Variants in HDAC4 observed in about 807,000 individuals in gnomAD.
HDAC4 encodes the protein histone deacetylase 4, also known as histone deacetylase A.
Under a neutral mutation model 135.1 loss-of-function variants are expected in HDAC4, and 16 were observed. That is an observed-to-expected ratio of 0.12 (90% CI 0.08 to 0.18). The LOEUF (loss-of-function observed/expected upper bound fraction) is 0.18. Among genes scored for constraint, HDAC4 ranks in the 10% least tolerant of loss-of-function variants. The probability of loss-of-function intolerance (pLI) is 1.00; values close to 1 mark genes in which losing one functional copy is unlikely to be tolerated. For synonymous variants in HDAC4, 685 were observed against 653.4 expected (o/e 1.05, Z -0.74); for missense variants, 1,143 against 1,511.8 (o/e 0.76, Z 4.05).
At chr2:239,105,850 T>C (rs1263882597) in intron 15 of HDAC4, among the ~76,000 whole-genome samples, 1 of 152,086 alleles carries the variant, frequency 6.6e-6, no homozygotes, top group Non-Finnish European at 1.5e-5. Context: ...CAGTGACCCC[T>C]GGCAGGCTGG....
At chr2:239,385,904 GC>G (rs1415569801) in intron 1 of HDAC4, among the ~76,000 whole-genome samples, 1 of 152,184 alleles carries the variant, frequency 6.6e-6, no homozygotes, top group Non-Finnish European at 1.5e-5. Context: ...TGCTCTGGGA[GC>G]CCCAAACAAG....
At chr2:239,380,474 C>A (rs1369829588) in intron 1 of HDAC4, among the ~76,000 whole-genome samples, 1 of 152,076 alleles carries the variant, frequency 6.6e-6, no homozygotes, top group Non-Finnish European at 1.5e-5. Context: ...AGTTAGCAAA[C>A]ATTTGAGTTC....
At chr2:239,179,078 G>A (rs867369566) in intron 4 of HDAC4, among the ~76,000 whole-genome samples, 4 of 150,650 alleles carry the variant, frequency 2.7e-5, no homozygotes, top group East Asian at 1.9e-4. Context: ...GGCAGCCACC[G>A]GACGCCCGAG....
chr2:239,100,117 A>C (rs2037480150), intron 16 of HDAC4, among the ~76,000 whole-genome samples: 1 of 152,150 alleles, frequency 6.6e-6, no homozygotes, highest in African/African-American at 2.4e-5. Context: ...GTTTCTCCCT[A>C]AGAGGGTCTT....
intron 2 of HDAC4, among the ~76,000 whole-genome samples, chr2:239,287,761 A>C (rs1026502710): frequency 6.6e-6 from 1 of 152,186 alleles, no homozygotes; most frequent in Non-Finnish European, 1.5e-5. Context: ...CAAGAAGAAG[A>C]CTAAGTCATG....
At chr2:239,298,455 G>C (rs1422322514) in intron 2 of HDAC4, 1 of 1,139,482 alleles carries the variant, frequency 8.8e-7, no homozygotes. Flanking sequence ...ATACTCTAGG[G>C]TCCCAGCAAC....
chr2:239,156,701 C>A lies in HDAC4; in HGVS notation c.684G>T (p.Pro228=). 2 of 1,614,118 alleles carry A rather than the reference C, an allele frequency of 1.2e-6. No homozygotes were observed. The highest frequency in any genetic ancestry group is 8.5e-7 in the Non-Finnish European group (1 of 1,180,034). The change falls in exon 7 of 27, where the codon CCG becomes CCT. Residue 228 remains proline (P), a synonymous_variant. Transcript: ENST00000543185. ...QSGVSTSYNH[P]VLGMYDAKDD... ...CTTTGGCGTCGTACATTCCCAGGAC[C>A]GGGTGGTTATAGGAGGTCGACACTC...
intron 7 of HDAC4, chr2:239,154,569 G>A (rs1413293248): frequency 2.0e-5 from 3 of 152,070 alleles, no homozygotes; most frequent in East Asian, 1.9e-4. Flanking sequence ...CATGTTCCTT[G>A]CCTCCCCATT....
In HDAC4 at chr2:239,048,977, C is replaced by G. The variant is rs943400910; in HGVS notation, c.*4120G>C. On this transcript the variant is annotated 3_prime_UTR_variant, in exon 27 of 27. Transcript: ENST00000543185. ...AAGGCCAGTGAGGGCGGGCGGCGCTCGCCTGGCCCGTGGAAGGAGATAAAA... is the reference window on the plus strand; with the variant it reads ...AAGGCCAGTGAGGGCGGGCGGCGCTGGCCTGGCCCGTGGAAGGAGATAAAA... The G allele has an allele frequency of 3.3e-5, 5 of 152,224 alleles. No homozygotes were observed. The highest frequency in any genetic ancestry group is 1.2e-4 in the African/African-American group (5 of 41,454). The allele number at this position is 152,224 out of a possible 1,614,324, so 9.4% of individuals were successfully genotyped here. A position where few individuals can be genotyped will look rare whatever the true frequency, so the allele number is the denominator to read the frequency against.
chr2:239,246,523 C>T (rs972149652), intron 2 of HDAC4, among the ~76,000 whole-genome samples: 3 of 151,696 alleles, frequency 2.0e-5, no homozygotes, highest in African/African-American at 7.3e-5. Flanking sequence ...GCCGGCCAGG[C>T]GCTGGCTGAG....
At chr2:239,305,121 TCAC>T (rs1436998564) in intron 2 of HDAC4, among the ~76,000 whole-genome samples, 4 of 152,282 alleles carry the variant, frequency 2.6e-5, no homozygotes, top group African/African-American at 7.2e-5. Context: ...CACAGGAGGC[TCAC>T]CACGTTTCTT....
intron 11 of HDAC4, among the ~76,000 whole-genome samples, chr2:239,130,896 G>C (rs2040531671): frequency 6.6e-6 from 1 of 152,188 alleles, no homozygotes; most frequent in African/African-American, 2.4e-5. Flanking sequence ...GGCTGTCCAG[G>C]CAACAATCAT....
At chr2:239,356,807 T>C (rs1454395567) in intron 1 of HDAC4, among the ~76,000 whole-genome samples, 2 of 152,002 alleles carry the variant, frequency 1.3e-5, no homozygotes, top group Non-Finnish European at 2.9e-5. Context: ...CCATATGAGT[T>C]TACATTTCAA....
At chr2:239,055,041 T>C (rs957476856) in intron 24 of HDAC4, 11 of 494,264 alleles carry the variant, frequency 2.2e-5, no homozygotes, top group African/African-American at 1.6e-4. Flanking sequence ...TTTAGGACGC[T>C]ATAAGATATT....
chr2:239,174,794 T>C lies in HDAC4; in HGVS notation c.490+1619A>G, dbSNP rs563607955. On this transcript the variant is annotated intron_variant, in intron 5 of 26. Coordinates refer to ENST00000543185, the MANE Select transcript of HDAC4 (RefSeq NM_001378414.1). ...TTATAAATGGGACACCATGCAGCAA[T>C]ATATAATAGATAATGAATGACCTCT... is the stretch of plus-strand genomic sequence containing the variant. 9.6e-4 allele frequency among the ~76,000 whole-genome samples: 146 copies of C among 152,326 alleles called. No homozygotes were observed. In the Middle Eastern group the frequency reaches 0.014, roughly 14 times the overall value.
At chr2:239,135,033 C>T (rs1278774582) in intron 9 of HDAC4, among the ~76,000 whole-genome samples, 3 of 152,140 alleles carry the variant, frequency 2.0e-5, no homozygotes, top group African/African-American at 7.2e-5. Flanking sequence ...AATGTCTTTC[C>T]AGACATAACA....
intron 3 of HDAC4, among the ~76,000 whole-genome samples, chr2:239,200,082 G>C (rs1339998471): frequency 6.6e-6 from 1 of 152,178 alleles, no homozygotes; most frequent in Admixed American, 6.5e-5. Context: ...CCCTTTCTTG[G>C]GAAATAGTCT....
At chr2:239,327,490 C>G (rs1037722794) in intron 2 of HDAC4, among the ~76,000 whole-genome samples, 2 of 152,356 alleles carry the variant, frequency 1.3e-5, no homozygotes, top group East Asian at 3.9e-4. Flanking sequence ...ATTTTACACA[C>G]AAAGTTAATT....
At chr2:239,305,235 C>T (rs565903395) in intron 2 of HDAC4, among the ~76,000 whole-genome samples, 2 of 152,342 alleles carry the variant, frequency 1.3e-5, no homozygotes, top group East Asian at 1.9e-4. Context: ...ACCAAGCAGT[C>T]GGTTTTCATC....
Sources: allele counts gnomAD v4.1 joint callset (sites outside exome capture counted in the v4.1 genomes callset), GRCh38; gene constraint gnomAD v4.1.1; transcripts MANE v1.5; gene names NCBI Gene and HGNC (gene_info 2026-07-23, HGNC 2026-07-21).